The following ST6GAL2 variants were observed in gnomAD, a reference collection of about 807,000 sequenced individuals.
ST6GAL2 encodes the protein ST6 beta-galactoside alpha-2,6-sialyltransferase 2, also known as beta-galactoside alpha-2,6-sialyltransferase 2.
A neutral mutation model predicts 37.5 loss-of-function variants in ST6GAL2; 24 were observed. That is an observed-to-expected ratio of 0.64 (90% CI 0.46 to 0.90). The LOEUF (loss-of-function observed/expected upper bound fraction) is 0.90. ST6GAL2 is among the 40% of genes least tolerant of loss of function. ST6GAL2 has a pLI of 0.00. For missense variants in ST6GAL2, 715 were observed against 712.7 expected (o/e 1.00, Z -0.04); for synonymous variants, 306 against 295.1 (o/e 1.04, Z -0.38).
chr2:106,806,515 A>G lies in ST6GAL2; in HGVS notation c.*163T>C. On this transcript the variant is annotated 3_prime_UTR_variant, in exon 6 of 6. Transcript: ENST00000409382. Reference sequence around the variant, plus strand: ...CCATTTCTATGTTCAAAGCAGTAATACATACTCAATGGCTTAGAAAGAGAA... The same window carrying G: ...CCATTTCTATGTTCAAAGCAGTAATGCATACTCAATGGCTTAGAAAGAGAA... The G allele has an allele frequency of 1.3e-6, 1 of 797,204 alleles. No individual in the cohort carries two copies. The highest frequency in any genetic ancestry group is 2.0e-6 in the Non-Finnish European group (1 of 510,290). 49.4% of individuals were successfully genotyped at this position (797,204 alleles called of 1,614,324 possible).
chr2:106,803,778 G>C lies in ST6GAL2; in HGVS notation c.*2900C>G, dbSNP rs2104401367. 6.6e-6 allele frequency: 1 copy of C among 152,250 alleles called. No homozygotes were observed. Among genetic ancestry groups the C allele is most frequent in the Non-Finnish European group, 1.5e-5 (1 of 68,034 alleles). The allele number at this position is 152,250 out of a possible 1,614,324, so 9.4% of individuals were successfully genotyped here. A position where few individuals can be genotyped will look rare whatever the true frequency, so the allele number is the denominator to read the frequency against. On this transcript the variant is annotated 3_prime_UTR_variant, in exon 6 of 6. Coordinates refer to ENST00000409382, the MANE Select transcript of ST6GAL2 (RefSeq NM_001142351.2). ...TTTTTATCAGCTTCCCTTCATAAGA[G>C]AGGATGGAGGATTTTGGAAGAGACA...
Position 106,804,176 on chromosome 2 carries a change from T to G in ST6GAL2, c.*2502A>C, listed in dbSNP as rs1675343128. The G allele has an allele frequency of 6.6e-6, 1 of 152,092 alleles. No individual in the cohort carries two copies. The highest frequency in any genetic ancestry group is 1.5e-5 in the Non-Finnish European group (1 of 68,016). 9.4% of individuals were successfully genotyped at this position (152,092 alleles called of 1,614,324 possible). A position where few individuals can be genotyped will look rare whatever the true frequency, so the allele number is the denominator to read the frequency against. ...TCTTCAGTCTTTCTTGTAACCTCAA[T>G]GAAACTGAAAGTACTATTTTAAAAG... On this transcript the variant is annotated 3_prime_UTR_variant, in exon 6 of 6. Transcript: ENST00000409382.
chr2:106,829,469 A>G (rs1398540532), intron 5 of ST6GAL2, among the ~76,000 whole-genome samples: 1 of 152,218 alleles, frequency 6.6e-6, no homozygotes, highest in Admixed American at 6.5e-5. Flanking sequence ...GTCCCAGCTG[A>G]GCTGGGCCTT....
intron 1 of ST6GAL2, among the ~76,000 whole-genome samples, chr2:106,884,823 G>C (rs2104670690): frequency 6.7e-6 from 1 of 150,050 alleles, no homozygotes; most frequent in South Asian, 2.1e-4. Context: ...AAAATAATGG[G>C]GGAAGGAGAG....
chr2:106,822,044 T>C (rs1676022530), intron 5 of ST6GAL2, among the ~76,000 whole-genome samples: 1 of 152,140 alleles, frequency 6.6e-6, no homozygotes, highest in Admixed American at 6.5e-5. Context: ...GACCCATAGC[T>C]AGTTTCATAC....
intron 4 of ST6GAL2, among the ~76,000 whole-genome samples, chr2:106,831,861 A>C (rs1676437964): frequency 1.3e-5 from 2 of 152,230 alleles, no homozygotes; most frequent in African/African-American, 4.8e-5. Context: ...GCTCATTTAC[A>C]GAACTGACAG....
rs1026339126 is a variant in ST6GAL2, at chr2:106,834,039, T to C, written c.1041+10A>G. ...AACATACATCCATGAAAACACTCCA[T>C]CTGTCTTACCTGCGAATTAATGATG... On this transcript the variant is annotated intron_variant, in intron 3 of 5. Transcript: ENST00000409382. 3.1e-6 allele frequency: 5 copies of C among 1,597,658 alleles called. No homozygotes were observed. Among genetic ancestry groups the C allele is most frequent in the East Asian group, 2.2e-5 (1 of 44,572 alleles).
chr2:106,849,571 A>G (rs1232261420), intron 1 of ST6GAL2, among the ~76,000 whole-genome samples: 2 of 152,286 alleles, frequency 1.3e-5, no homozygotes, highest in East Asian at 3.9e-4. Context: ...GGAAATTTGC[A>G]TTGGTAGAGC....
chr2:106,807,770 G>A (rs1184968540), intron 5 of ST6GAL2, among the ~76,000 whole-genome samples: 2 of 151,498 alleles, frequency 1.3e-5, no homozygotes, highest in Non-Finnish European at 2.9e-5. Flanking sequence ...GACTACAGGC[G>A]CCCACCACCA....
chr2:106,823,492 G>C lies in ST6GAL2; in HGVS notation c.1318+6574C>G, dbSNP rs75798826. ...ACACACACACACACACACACAGAGA[G>C]AGAGAGAGAGAGATCGAGAGAGAGA... On this transcript the variant is annotated intron_variant, in intron 5 of 5. Transcript: ENST00000409382. 8.5e-3 allele frequency among the ~76,000 whole-genome samples: 715 copies of C among 83,824 alleles called. 3 individuals are homozygous for C. Among genetic ancestry groups the C allele is most frequent in the African/African-American group, 0.022 (624 of 27,748 alleles). The allele number at this position is 83,824 out of a possible 152,430, so 55.0% of individuals were successfully genotyped here.
chr2:106,836,494 A>G (rs1558693435), intron 2 of ST6GAL2, among the ~76,000 whole-genome samples: 1 of 152,100 alleles, frequency 6.6e-6, no homozygotes, highest in Non-Finnish European at 1.5e-5. Context: ...CTTAAAATGG[A>G]TCTTTCACTC....
At chr2:106,871,343 C>T (rs1678259687) in intron 1 of ST6GAL2, among the ~76,000 whole-genome samples, 1 of 152,236 alleles carries the variant, frequency 6.6e-6, no homozygotes, top group South Asian at 2.1e-4. Flanking sequence ...TTACTACTTG[C>T]TACTGTAGAC....
chr2:106,854,409 A>C (rs186790599), intron 1 of ST6GAL2, among the ~76,000 whole-genome samples: 1 of 152,348 alleles, frequency 6.6e-6, no homozygotes, highest in Admixed American at 6.5e-5. Flanking sequence ...AAGAGAGCAC[A>C]ATATTTTTCA....
chr2:106,807,451 A>G (rs549685407), intron 5 of ST6GAL2, among the ~76,000 whole-genome samples: 1 of 152,204 alleles, frequency 6.6e-6, no homozygotes, highest in Non-Finnish European at 1.5e-5. Context: ...AAACTGTACA[A>G]TGGATCAGCT....
intron 1 of ST6GAL2, among the ~76,000 whole-genome samples, chr2:106,872,972 T>A (rs1678340822): frequency 6.6e-6 from 1 of 152,162 alleles, no homozygotes; most frequent in Non-Finnish European, 1.5e-5. Flanking sequence ...TGCCAGGCAT[T>A]CCCTTGATTT....
At chr2:106,879,665 T>C (rs1370740556) in intron 1 of ST6GAL2, among the ~76,000 whole-genome samples, 2 of 149,196 alleles carry the variant, frequency 1.3e-5, no homozygotes, top group African/African-American at 4.9e-5. Context: ...CTAATGTATA[T>C]AATAGAAATT....
Position 106,804,844 on chromosome 2 carries a change from A to AAG in ST6GAL2, c.*1833_*1834insCT, listed in dbSNP as rs1290281862. 1.4e-5 allele frequency: 2 copies of AAG among 140,442 alleles called. No homozygotes were observed. Among genetic ancestry groups the AAG allele is most frequent in the Non-Finnish European group, 3.2e-5 (2 of 62,396 alleles). The allele number at this position is 140,442 out of a possible 1,614,324, so 8.7% of individuals were successfully genotyped here. A position where few individuals can be genotyped will look rare whatever the true frequency, so the allele number is the denominator to read the frequency against. ...GCGACAGAGCGAGAGACTGTCTCAA[A>AAG]AAAAAAAAAAAAAAAGAAAAGAAAA... On this transcript the variant is annotated 3_prime_UTR_variant, in exon 6 of 6. Coordinates refer to ENST00000409382, the MANE Select transcript of ST6GAL2 (RefSeq NM_001142351.2).
intron 1 of ST6GAL2, among the ~76,000 whole-genome samples, chr2:106,847,948 G>A (rs898256398): frequency 2.6e-5 from 4 of 152,126 alleles, no homozygotes; most frequent in African/African-American, 9.7e-5. Context: ...CACTGGCCAT[G>A]TGAGTGAACT....
At chr2:106,808,426 T>C (rs1259817998) in intron 5 of ST6GAL2, among the ~76,000 whole-genome samples, 2 of 152,226 alleles carry the variant, frequency 1.3e-5, no homozygotes, top group Non-Finnish European at 2.9e-5. Flanking sequence ...GCACTTCAAA[T>C]TCTATGCAGT....
Sources: allele counts gnomAD v4.1 joint callset (sites outside exome capture counted in the v4.1 genomes callset), GRCh38; gene constraint gnomAD v4.1.1; transcripts MANE v1.5; gene names NCBI Gene and HGNC (gene_info 2026-07-23, HGNC 2026-07-21).